Variants in RIMS2 observed in about 807,000 individuals in gnomAD.
The protein encoded by RIMS2 is regulating synaptic membrane exocytosis 2.
RIMS2 carries 59 observed loss-of-function variants against 174.4 expected under a neutral mutation model. The observed-to-expected ratio is 0.34, with a 90% CI of 0.27 to 0.42. The LOEUF (loss-of-function observed/expected upper bound fraction) is 0.42. RIMS2 is among the 10% of genes least tolerant of loss of function. The pLI, the probability that RIMS2 is intolerant of heterozygous loss-of-function variation, is 1.00. For synonymous variants in RIMS2, 606 were observed against 572.5 expected (o/e 1.06, Z -0.84); for missense variants, 1,620 against 1,666.3 (o/e 0.97, Z 0.48).
chr8:104,251,135 AAG>A lies in RIMS2; in HGVS notation c.3808_3809del (p.Pro1271ThrfsTer31). 1 of 1,612,790 alleles carries A rather than the reference AAG, an allele frequency of 6.2e-7. No individual in the cohort carries two copies. On this transcript the variant is annotated frameshift_variant, in exon 23 of 24. Coordinates refer to ENST00000504942, the Ensembl canonical transcript of RIMS2. LOFTEE classifies it high-confidence loss of function. ...CTTTACCAGCAGCTATTATCTTTCG[AAG>A]AGAGTCCACAAGGAAAAGTTTTACA...
chr8:103,708,467 C>T (rs758137106), intron 2 of RIMS2, among the ~76,000 whole-genome samples: 16 of 152,272 alleles, frequency 1.1e-4, no homozygotes, highest in Non-Finnish European at 2.1e-4. Context: ...TACGCTAAAA[C>T]TAGGTATGTG....
chr8:103,768,230 G>A, intron 3 of RIMS2: 1 of 448,322 alleles, frequency 2.2e-6, no homozygotes, highest in Admixed American at 3.4e-5. Context: ...TAAGTAAAAT[G>A]AATAATGGGC....
Position 103,845,465 on chromosome 8 carries a change from T to C in RIMS2, c.699-39833T>C, listed in dbSNP as rs533746959. ...CCTTACAATTAATCACTACTTTCAC[T>C]TGTCTTAGATAATCATTACTGTGAC... On this transcript the variant is annotated intron_variant, in intron 3 of 23. Transcript: ENST00000504942. 2.0e-4 allele frequency among the ~76,000 whole-genome samples: 30 copies of C among 152,264 alleles called. No individual in the cohort carries two copies. The South Asian group carries it at 6.2e-3, about 32-fold the overall frequency.
chr8:104,106,238 T>G (rs966970261), intron 19 of RIMS2, among the ~76,000 whole-genome samples: 8 of 152,018 alleles, frequency 5.3e-5, no homozygotes, highest in African/African-American at 1.9e-4. Context: ...CTAAAATTCA[T>G]TCTCATGTCT....
At chr8:104,241,492 G>C (rs1206741872) in intron 19 of RIMS2, among the ~76,000 whole-genome samples, 1 of 152,144 alleles carries the variant, frequency 6.6e-6, no homozygotes, top group African/African-American at 2.4e-5. Flanking sequence ...AACTATGATA[G>C]AGTCAGACCT....
intron 19 of RIMS2, among the ~76,000 whole-genome samples, chr8:104,023,086 A>G (rs796664159): frequency 6.6e-6 from 1 of 152,296 alleles, no homozygotes; most frequent in African/African-American, 2.4e-5. Flanking sequence ...AAAGTTCATG[A>G]GTAAGTTTAA....
intron 1 of RIMS2, among the ~76,000 whole-genome samples, chr8:103,661,301 C>T (rs2096597366): frequency 6.6e-6 from 1 of 152,048 alleles, no homozygotes; most frequent in East Asian, 1.9e-4. Flanking sequence ...GAGTTTGTTT[C>T]TAATTTTTGC....
At chr8:103,577,489 A>G (rs2093331823) in intron 1 of RIMS2, among the ~76,000 whole-genome samples, 1 of 152,180 alleles carries the variant, frequency 6.6e-6, no homozygotes, top group South Asian at 2.1e-4. Flanking sequence ...GAGGGATAGC[A>G]TTAGGAGAAA....
chr8:103,524,877 C>T (rs1833252127), intron 1 of RIMS2, among the ~76,000 whole-genome samples: 1 of 152,122 alleles, frequency 6.6e-6, no homozygotes, highest in African/African-American at 2.4e-5. Flanking sequence ...TGCTGAGTTT[C>T]CTGGAATACT....
chr8:103,868,248 T>C (rs1345864460), intron 3 of RIMS2, among the ~76,000 whole-genome samples: 1 of 152,104 alleles, frequency 6.6e-6, no homozygotes, highest in Non-Finnish European at 1.5e-5. Flanking sequence ...CTTAACTCAT[T>C]GGTGATGATG....
chr8:104,248,879 T>C, intron 21 of RIMS2, 66 bp downstream of exon 27: 1 of 773,836 alleles, frequency 1.3e-6, no homozygotes. Flanking sequence ...ATTCTCTAAA[T>C]TTCATAGAAT....
At chr8:103,975,046 G>C (rs986621967) in intron 15 of RIMS2, among the ~76,000 whole-genome samples, 4 of 152,102 alleles carry the variant, frequency 2.6e-5, no homozygotes, top group Admixed American at 2.0e-4. Context: ...GAATAAATTT[G>C]AGTCTTCTAT....
intron 1 of RIMS2, among the ~76,000 whole-genome samples, chr8:103,503,948 T>C (rs1227143438): frequency 6.6e-6 from 1 of 152,076 alleles, no homozygotes; most frequent in East Asian, 1.9e-4. Context: ...TATTAGTAAT[T>C]TCCTCAAAGT....
At chr8:104,040,347 G>A (rs1055948834) in intron 19 of RIMS2, among the ~76,000 whole-genome samples, 1 of 151,550 alleles carries the variant, frequency 6.6e-6, no homozygotes, top group Admixed American at 6.6e-5. Flanking sequence ...GTGGCATATT[G>A]TTCATCTGTG....
rs143534883 is a variant in RIMS2, at chr8:103,602,290, G to A, written c.177-94796G>A. Reference sequence around the variant, plus strand: ...GCATGAGCCACCACGCCTGATCCATGCTTTTTTAAAGTTATGACTTTTATT... The same window carrying A: ...GCATGAGCCACCACGCCTGATCCATACTTTTTTAAAGTTATGACTTTTATT... On this transcript the variant is annotated intron_variant, in intron 1 of 23. Transcript: ENST00000504942. Among the ~76,000 whole-genome samples, 934 of 152,212 alleles carry A rather than the reference G, an allele frequency of 6.1e-3. 11 individuals are homozygous for A. The highest frequency in any genetic ancestry group is 0.021 in the African/African-American group (884 of 41,540).
chr8:103,542,710 G>A (rs1262435094), intron 1 of RIMS2, among the ~76,000 whole-genome samples: 1 of 152,154 alleles, frequency 6.6e-6, no homozygotes, highest in Non-Finnish European at 1.5e-5. Context: ...TGCAAGGATA[G>A]TTCAACATAC....
At chr8:103,822,399 G>A (rs2098757446) in intron 3 of RIMS2, among the ~76,000 whole-genome samples, 1 of 151,708 alleles carries the variant, frequency 6.6e-6, no homozygotes, top group African/African-American at 2.4e-5. Context: ...AAGGAGGAAA[G>A]ATTTTTAAAC....
chr8:103,830,821 T>G (rs1197884747), intron 3 of RIMS2, among the ~76,000 whole-genome samples: 6 of 152,258 alleles, frequency 3.9e-5, no homozygotes, highest in Admixed American at 1.3e-4. Flanking sequence ...TATGTTTTCT[T>G]TTCTTGAGAC....
At chr8:103,915,337 A>C (rs915156683) in intron 6 of RIMS2, among the ~76,000 whole-genome samples, 158 bp from the exon 10 acceptor site, 1 of 152,088 alleles carries the variant, frequency 6.6e-6, no homozygotes, top group African/African-American at 2.4e-5. Context: ...GGCATGTGCT[A>C]ACCTAATAGA....
Sources: allele counts gnomAD v4.1 joint callset (sites outside exome capture counted in the v4.1 genomes callset), GRCh38; gene constraint gnomAD v4.1.1; transcripts MANE v1.5; gene names NCBI Gene and HGNC (gene_info 2026-07-23, HGNC 2026-07-21).